PARD3B: variants seen among roughly 807,000 people sequenced by gnomAD.
PARD3B encodes the protein par-3 family cell polarity regulator beta.
Under a neutral mutation model 130.2 loss-of-function variants are expected in PARD3B, and 103 were observed. The ratio of observed to expected loss-of-function variants is 0.79; its 90% CI spans 0.67 to 0.93. PARD3B has a LOEUF of 0.93. Among genes scored for constraint, PARD3B ranks in the 40% least tolerant of loss-of-function variants. PARD3B has a pLI of 0.00. For missense variants in PARD3B, 1,609 were observed against 1,499.2 expected, an observed-to-expected ratio of 1.07 and a Z score of -1.21; for synonymous variants, 583 against 553.2, an observed-to-expected ratio of 1.05 and a Z score of -0.76.
chr2:205,259,858 G>A (rs1041420479), intron 16 of PARD3B, among the ~76,000 whole-genome samples: 2 of 152,086 alleles, frequency 1.3e-5, no homozygotes, highest in Non-Finnish European at 2.9e-5. Flanking sequence ...TGGAATATTT[G>A]CATATACATA....
intron 2 of PARD3B, among the ~76,000 whole-genome samples, chr2:204,829,255 A>G (rs1488677570): frequency 2.0e-5 from 3 of 152,244 alleles, no homozygotes; most frequent in Non-Finnish European, 4.4e-5. Flanking sequence ...AATGACTATT[A>G]TGTGCTAGGA....
intron 2 of PARD3B, among the ~76,000 whole-genome samples, chr2:204,826,698 T>C (rs1459891941): frequency 6.6e-6 from 1 of 152,174 alleles, no homozygotes; most frequent in Admixed American, 6.5e-5. Flanking sequence ...TAGTATCACA[T>C]CTTTCATTTT....
rs2046235324 is a variant in PARD3B at position 205,401,063 on chromosome 2, CT to C, written c.2682del (p.Leu895Ter). ...DKGGKAEQKGTLKHGGLREEE... is the reference protein window; with the variant it reads ...DKGGKAEQKGXLKHGGLREEE... The stretch of plus-strand genomic sequence containing the variant: ...GGTGGAAAGGCTGAGCAGAAAGGTA[CT>C]CTGAAACATGGTGGCCTGAGAGAAG... On this transcript the variant is annotated frameshift_variant, in exon 19 of 23. Coordinates refer to ENST00000406610, the MANE Select transcript of PARD3B (RefSeq NM_001302769.2). LOFTEE classifies it high-confidence loss of function. The C allele has an allele frequency of 6.2e-7, 1 of 1,604,214 alleles. No homozygotes were observed. Among genetic ancestry groups the C allele is most frequent in the Non-Finnish European group, 8.5e-7 (1 of 1,175,550 alleles).
intron 19 of PARD3B, among the ~76,000 whole-genome samples, chr2:205,402,449 T>C (rs1281575156): frequency 6.6e-6 from 1 of 152,240 alleles, no homozygotes; most frequent in African/African-American, 2.4e-5. Context: ...TTACATCCCA[T>C]GCCTCATCTT....
rs147301687 is a variant in PARD3B at position 205,011,543 on chromosome 2, G to A, written c.395-36038G>A. Among the ~76,000 whole-genome samples the A allele has an allele frequency of 9.8e-4, 149 of 152,214 alleles. No homozygotes were observed. Among genetic ancestry groups the A allele is most frequent in the East Asian group, 5.8e-3 (30 of 5,166 alleles). The stretch of plus-strand genomic sequence containing the variant: ...TTCTTTCTGTCATATTTTATTCATC[G>A]CACAGACCAACCTTGGTGCACTGTA... On this transcript the variant is annotated intron_variant, in intron 3 of 22. Coordinates refer to ENST00000406610, the MANE Select transcript of PARD3B (RefSeq NM_001302769.2). This position sits in a 1 kb window ranked among gnomAD's most constrained non-coding sequence, Gnocchi z 4.1.
rs1401692484 is a variant in PARD3B, at chr2:204,689,663, C to T, written c.222+3381C>T. 6.6e-6 allele frequency among the ~76,000 whole-genome samples: 1 copy of T among 152,048 alleles called. No homozygotes were observed. Among genetic ancestry groups the T allele is most frequent in the African/African-American group, 2.4e-5 (1 of 41,402 alleles). On this transcript the variant is annotated intron_variant, in intron 2 of 22. Coordinates refer to ENST00000406610, the MANE Select transcript of PARD3B (RefSeq NM_001302769.2). The surrounding 1 kb of genome is among the most constrained non-coding windows in gnomAD (Gnocchi z 5.2). ...ATGTCTTTGGCCCTTATTTATTCTA[C>T]GTTATTTTAAAGCAATCCTGAAGAC...
intron 2 of PARD3B, among the ~76,000 whole-genome samples, chr2:204,939,185 C>A (rs1416120627): frequency 6.6e-6 from 1 of 152,112 alleles, no homozygotes; most frequent in African/African-American, 2.4e-5. Context: ...ATATTACCCT[C>A]ATTTTGATAA....
At chr2:205,213,636 G>A (rs1010824185) in intron 15 of PARD3B, among the ~76,000 whole-genome samples, 3 of 152,136 alleles carry the variant, frequency 2.0e-5, no homozygotes, top group Non-Finnish European at 4.4e-5. Context: ...GTGAATAAAA[G>A]TGCAAATTAA....
chr2:204,844,928 A>G (rs114309716), intron 2 of PARD3B, among the ~76,000 whole-genome samples: 2,468 of 152,170 alleles, frequency 0.016, 86 homozygotes, highest in African/African-American at 0.056. Flanking sequence ...TTTGGCCTCA[A>G]TTGCTCTTAC....
intron 1 of PARD3B, among the ~76,000 whole-genome samples, chr2:204,577,075 G>A (rs1220688513): frequency 6.6e-6 from 1 of 152,098 alleles, no homozygotes; most frequent in Non-Finnish European, 1.5e-5. Context: ...ATTGATCAGA[G>A]TGTATTGTTT....
intron 22 of PARD3B, among the ~76,000 whole-genome samples, chr2:205,566,678 G>A (rs2053346362): frequency 6.6e-6 from 1 of 152,150 alleles, no homozygotes; most frequent in Non-Finnish European, 1.5e-5. Context: ...GAATTGCAAT[G>A]GCTGATCCAG....
rs1559114690 is a variant in PARD3B, at chr2:204,750,639, C to CAT, written c.222+64358_222+64359insTA. 2.1e-3 allele frequency among the ~76,000 whole-genome samples: 318 copies of CAT among 151,528 alleles called. 1 individual carries two copies. The highest frequency in any genetic ancestry group is 3.8e-3 in the Non-Finnish European group (260 of 67,930). Reference sequence around the variant, plus strand: ...ATACATACATACATACATACACACACACATACATACATACATAAAAGGAAA... The same window carrying CAT: ...ATACATACATACATACATACACACACATACATACATACATACATAAAAGGAAA... On this transcript the variant is annotated intron_variant, in intron 2 of 22. Transcript: ENST00000406610.
At chr2:205,391,503 T>G (rs1356364833) in intron 18 of PARD3B, among the ~76,000 whole-genome samples, 3 of 152,208 alleles carry the variant, frequency 2.0e-5, no homozygotes, top group Admixed American at 2.0e-4. Flanking sequence ...TTTTAACTAT[T>G]AAGAAAACAT....
chr2:204,961,536 T>C lies in PARD3B; in HGVS notation c.223-3616T>C, dbSNP rs533336932. Among the ~76,000 whole-genome samples, 82 of 152,288 alleles carry C rather than the reference T, an allele frequency of 5.4e-4. 1 individual carries two copies. Among genetic ancestry groups the C allele is most frequent in the Non-Finnish European group, 1.0e-3 (70 of 68,022 alleles). On this transcript the variant is annotated intron_variant, in intron 2 of 22. Transcript: ENST00000406610. ...AGATTAGGAAATGAGCCTGGAGTTA[T>C]AGAAGGTCTGGGTTGCACCACTTAA... is the stretch of plus-strand genomic sequence containing the variant.
intron 15 of PARD3B, among the ~76,000 whole-genome samples, chr2:205,228,791 G>GA (rs151067298): frequency 0.029 from 4,256 of 147,214 alleles, 87 homozygotes; most frequent in East Asian, 0.093. Flanking sequence ...GTGCTTCATT[G>GA]TTTTTTTATT....
intron 18 of PARD3B, among the ~76,000 whole-genome samples, chr2:205,336,211 A>G (rs1399042939): frequency 6.6e-6 from 1 of 152,232 alleles, no homozygotes; most frequent in African/African-American, 2.4e-5. Context: ...AATTTTGGGT[A>G]ACTTCATATG....
chr2:205,454,157 G>A (rs2048195250), intron 20 of PARD3B, among the ~76,000 whole-genome samples: 1 of 151,478 alleles, frequency 6.6e-6, no homozygotes, highest in African/African-American at 2.4e-5. Context: ...GTGTGGATCT[G>A]CCACACTTAC....
chr2:205,243,147 C>T (rs1327267300), intron 15 of PARD3B, among the ~76,000 whole-genome samples: 1 of 151,188 alleles, frequency 6.6e-6, no homozygotes, highest in Non-Finnish European at 1.5e-5. Context: ...GCCTGGGCAA[C>T]AAGAGCGAAA....
chr2:204,816,043 A>G (rs1376901879), intron 2 of PARD3B, among the ~76,000 whole-genome samples: 5 of 151,962 alleles, frequency 3.3e-5, no homozygotes, highest in African/African-American at 9.7e-5. Context: ...TGAATCAAAT[A>G]TTGTGATAAG....
Sources: gnomAD v4.1 joint callset for allele counts (sites outside exome capture counted in the v4.1 genomes callset) on GRCh38, gnomAD v4.1.1 for gene constraint, Gnocchi (gnomAD v3.1) non-coding constraint, MANE v1.5 for transcripts, NCBI Gene and HGNC (gene_info 2026-07-23, HGNC 2026-07-21) for gene names.